Variants in RORA observed in about 807,000 individuals in gnomAD.
RORA encodes the protein nuclear receptor ROR-alpha.
A neutral mutation model predicts 69.5 loss-of-function variants in RORA; 7 were observed. That is an observed-to-expected ratio of 0.10 (90% CI 0.06 to 0.19). The LOEUF is 0.19. Among genes scored for constraint, RORA ranks in the 10% least tolerant of loss-of-function variants. The pLI is 1.00. For missense variants in RORA, 457 were observed against 663.0 expected (o/e 0.69, Z 3.41); for synonymous variants, 261 against 240.8 (o/e 1.08, Z -0.78).
At chr15:60,855,636 T>C (rs887496791) in intron 1 of RORA, among the ~76,000 whole-genome samples, 1 of 152,118 alleles carries the variant, frequency 6.6e-6, no homozygotes, top group African/African-American at 2.4e-5. Flanking sequence ...ATTTATTTAA[T>C]GAAACTAAGT....
intron 1 of RORA, among the ~76,000 whole-genome samples, chr15:61,151,690 T>A (rs192707990): frequency 6.6e-6 from 1 of 152,222 alleles, no homozygotes; most frequent in Non-Finnish European, 1.5e-5. Context: ...CTGGCCACCA[T>A]TGTCTTTACC....
At chr15:61,026,041 C>T (rs1895792213) in intron 1 of RORA, among the ~76,000 whole-genome samples, 1 of 152,268 alleles carries the variant, frequency 6.6e-6, no homozygotes, top group South Asian at 2.1e-4. Flanking sequence ...TTTCCATGAA[C>T]ATTAAAGTGG....
chr15:61,078,784 T>C (rs747296626), intron 1 of RORA, among the ~76,000 whole-genome samples: 2 of 151,832 alleles, frequency 1.3e-5, no homozygotes, highest in Non-Finnish European at 2.9e-5. Flanking sequence ...TCTATCTATC[T>C]ATCCATCCAC....
chr15:60,649,332 G>A (rs555699364), intron 2 of RORA, among the ~76,000 whole-genome samples: 1 of 152,172 alleles, frequency 6.6e-6, no homozygotes, highest in East Asian at 1.9e-4. Context: ...AGAAGATCTG[G>A]CCATTACTGT....
intron 1 of RORA, among the ~76,000 whole-genome samples, chr15:60,743,680 C>T (rs1037762286): frequency 7.9e-5 from 12 of 152,194 alleles, no homozygotes; most frequent in African/African-American, 2.9e-4. Context: ...AATCTCTCTG[C>T]CCATCTCCAG....
intron 2 of RORA, among the ~76,000 whole-genome samples, chr15:60,670,520 A>G (rs1237784546): frequency 1.3e-5 from 2 of 152,098 alleles, no homozygotes; most frequent in East Asian, 1.9e-4. Context: ...ACTCCTCAAT[A>G]TGCCTTCTAA....
chr15:60,931,137 C>T (rs1174391819), intron 1 of RORA, among the ~76,000 whole-genome samples: 1 of 152,162 alleles, frequency 6.6e-6, no homozygotes, highest in Non-Finnish European at 1.5e-5. Flanking sequence ...GAAAATTCCA[C>T]CTGGGAAAGA....
intron 1 of RORA, among the ~76,000 whole-genome samples, chr15:61,067,818 A>C (rs1033488121): frequency 6.6e-6 from 1 of 152,192 alleles, no homozygotes; most frequent in Non-Finnish European, 1.5e-5. Context: ...TCAGCTTCCT[A>C]CATAAAAGAT....
chr15:60,939,161 C>T (rs931409117), intron 1 of RORA, among the ~76,000 whole-genome samples: 1 of 152,202 alleles, frequency 6.6e-6, no homozygotes, highest in African/African-American at 2.4e-5. Flanking sequence ...CTTGTCATTC[C>T]AATCATGGAT....
rs200931126 is a variant in RORA at position 60,638,389 on chromosome 15, T to TTC, written c.196+40267_196+40268insGA. On this transcript the variant is annotated intron_variant, in intron 2 of 10. Transcript: ENST00000335670. ...TTATTTAACTGTATTTTCTTTTCTT[T>TTC]TTTTTTTTTTTTTGTCAAATGGTAT... 4.1e-3 allele frequency among the ~76,000 whole-genome samples: 620 copies of TTC among 150,384 alleles called. 2 individuals are homozygous for TTC. The highest frequency in any genetic ancestry group is 0.014 in the African/African-American group (579 of 41,216).
chr15:61,091,742 T>C (rs753087726), intron 1 of RORA, among the ~76,000 whole-genome samples: 1 of 152,226 alleles, frequency 6.6e-6, no homozygotes, highest in Non-Finnish European at 1.5e-5. Flanking sequence ...GAGTGCCTAG[T>C]AGTGCGTTGG....
chr15:60,945,089 A>G (rs1027942319), intron 1 of RORA, among the ~76,000 whole-genome samples: 8 of 152,200 alleles, frequency 5.3e-5, no homozygotes, highest in African/African-American at 1.4e-4. Context: ...GAGGAAGGCT[A>G]TAGTTTAATA....
rs111744870 is a variant in RORA, at chr15:60,696,372, C to CAAA, written c.167-17687_167-17686insTTT. 3.4e-3 allele frequency among the ~76,000 whole-genome samples: 509 copies of CAAA among 150,660 alleles called. 3 individuals are homozygous for CAAA. Among genetic ancestry groups the CAAA allele is most frequent in the African/African-American group, 0.011 (441 of 41,048 alleles). On this transcript the variant is annotated intron_variant, in intron 1 of 10. Transcript: ENST00000335670. ...CTTTCTTTCCACTTAGGCTGATTTA[C>CAAA]AGAAAAAAAAAAGACATTCCAGAAA...
intron 1 of RORA, among the ~76,000 whole-genome samples, chr15:60,799,323 G>A (rs2072545318): frequency 6.6e-6 from 1 of 152,192 alleles, no homozygotes; most frequent in Non-Finnish European, 1.5e-5. Flanking sequence ...ACAGACTGAT[G>A]AGGAATTCAC....
At chr15:61,008,361 T>G (rs1255263191) in intron 1 of RORA, among the ~76,000 whole-genome samples, 1 of 152,044 alleles carries the variant, frequency 6.6e-6, no homozygotes, top group African/African-American at 2.4e-5. Flanking sequence ...ATGAAAATAT[T>G]TGATTTAGCT....
chr15:60,814,785 C>G (rs7165688), intron 1 of RORA, among the ~76,000 whole-genome samples: 10,970 of 152,198 alleles, frequency 0.072, 543 homozygotes, highest in Admixed American at 0.13. Context: ...GCATCATTAC[C>G]TATCAGCTTC....
At chr15:60,591,667 C>T (rs892777548) in intron 2 of RORA, among the ~76,000 whole-genome samples, 4 of 152,198 alleles carry the variant, frequency 2.6e-5, no homozygotes, top group Non-Finnish European at 5.9e-5. Context: ...CGAGTTCCTC[C>T]CCACCTCCAT....
intron 1 of RORA, among the ~76,000 whole-genome samples, chr15:60,928,199 AT>A (rs750559958): frequency 1.1e-4 from 16 of 152,202 alleles, no homozygotes; most frequent in Non-Finnish European, 2.1e-4. Flanking sequence ...ACTCCCCTGC[AT>A]CTCACATGAG....
chr15:60,855,744 C>G (rs2073372710), intron 1 of RORA, among the ~76,000 whole-genome samples: 1 of 34,022 alleles, frequency 2.9e-5, no homozygotes, highest in Admixed American at 4.2e-4. Flanking sequence ...CCTCAGCCTC[C>G]TGAGTAGCTG....
Sources: gnomAD v4.1 joint callset for allele counts (sites outside exome capture counted in the v4.1 genomes callset) on GRCh38, gnomAD v4.1.1 for gene constraint, MANE v1.5 for transcripts, NCBI Gene and HGNC (gene_info 2026-07-23, HGNC 2026-07-21) for gene names.